The following TMEM178B variants were observed in gnomAD, a reference collection of about 807,000 sequenced individuals.
TMEM178B encodes the protein transmembrane protein 178B.
A neutral mutation model predicts 31.0 loss-of-function variants in TMEM178B; 5 were observed. The ratio of observed to expected loss-of-function variants is 0.16; its 90% confidence interval spans 0.08 to 0.34. TMEM178B has a LOEUF of 0.34. Among genes scored for constraint, TMEM178B ranks in the 10% least tolerant of loss-of-function variants. TMEM178B has a pLI of 1.00. For missense variants in TMEM178B, 275 were observed against 400.3 expected (o/e 0.69, Z 2.67); for synonymous variants, 164 against 164.0 (o/e 1.00, Z 0.00).
intron 2 of TMEM178B, among the ~76,000 whole-genome samples, chr7:141,341,183 C>T (rs1037551541): frequency 1.3e-5 from 2 of 152,138 alleles, no homozygotes; most frequent in African/African-American, 4.8e-5. Flanking sequence ...AACTGCTTGC[C>T]GGTTGTTGTT....
chr7:141,473,832 T>G lies in TMEM178B; in HGVS notation c.*3046T>G. 1 of 152,210 alleles carries G rather than the reference T, an allele frequency of 6.6e-6. No individual in the cohort carries two copies. Among genetic ancestry groups the G allele is most frequent in the East Asian group, 1.9e-4 (1 of 5,200 alleles). 9.4% of individuals were successfully genotyped at this position (152,210 alleles called of 1,614,324 possible). On this transcript the variant is annotated 3_prime_UTR_variant, in exon 4 of 4. Coordinates refer to ENST00000565468, the MANE Select transcript of TMEM178B (RefSeq NM_001195278.2). ...AAGTCCTGGCCAATGGGAGGACTTC[T>G]CAGGTGACCTTGATCCCTCTAGCAT...
At chr7:141,263,202 CGTT>C (rs1798041818) in intron 2 of TMEM178B, among the ~76,000 whole-genome samples, 1 of 152,146 alleles carries the variant, frequency 6.6e-6, no homozygotes, top group African/African-American at 2.4e-5. Context: ...GGATTTCAGA[CGTT>C]GTTGTGGCTG....
In TMEM178B at chr7:141,247,543, G is replaced by A. The variant is rs188462876; in HGVS notation, c.496+34839G>A. ...CATCCATAGCTTCTCCCTCTGTCAC[G>A]TGGGAAAGGGATTTTCTTTGGGCTT... is the stretch of plus-strand genomic sequence containing the variant. On this transcript the variant is annotated intron_variant, in intron 2 of 3. Transcript: ENST00000565468. Among the ~76,000 whole-genome samples the A allele has an allele frequency of 2.1e-4, 32 of 152,252 alleles. 1 individual carries two copies. The highest frequency in any genetic ancestry group is 1.1e-3 in the Admixed American group (17 of 15,288).
rs560623038 is a variant in TMEM178B, at chr7:141,184,393, G to A, written c.383-28198G>A. On this transcript the variant is annotated intron_variant, in intron 1 of 3. Coordinates refer to ENST00000565468, the MANE Select transcript of TMEM178B (RefSeq NM_001195278.2). ...TCCCAGTGGGTTCAGAGAGTCCCCAGGAGTGTCTTACGTGTTTCTAAATGC... is the reference window on the plus strand; with the variant it reads ...TCCCAGTGGGTTCAGAGAGTCCCCAAGAGTGTCTTACGTGTTTCTAAATGC... Among the ~76,000 whole-genome samples the A allele has an allele frequency of 4.6e-5, 7 of 152,206 alleles. No homozygotes were observed. The South Asian group carries it at 1.5e-3, about 32-fold the overall frequency.
intron 2 of TMEM178B, among the ~76,000 whole-genome samples, chr7:141,325,748 G>A (rs977898251): frequency 3.9e-5 from 6 of 152,100 alleles, no homozygotes; most frequent in Admixed American, 3.9e-4. Flanking sequence ...TTATGTTCAA[G>A]CCAAGCAGCT....
rs924736055 is a variant in TMEM178B, at chr7:141,425,260, C to T, written c.497-12348C>T. Among the ~76,000 whole-genome samples, 4 of 152,282 alleles carry T rather than the reference C, an allele frequency of 2.6e-5. No homozygotes were observed. The South Asian group carries it at 6.2e-4, about 24-fold the overall frequency. On this transcript the variant is annotated intron_variant, in intron 2 of 3. Coordinates refer to ENST00000565468, the MANE Select transcript of TMEM178B (RefSeq NM_001195278.2). ...ATTTTTCTGGGTTGGCTAACACCCT[C>T]TAGGGTACCCATGTGTTTTAAAGCT...
intron 1 of TMEM178B, among the ~76,000 whole-genome samples, chr7:141,209,283 T>C (rs1586826809): frequency 6.6e-6 from 1 of 152,362 alleles, no homozygotes; most frequent in East Asian, 1.9e-4. Flanking sequence ...TGAGACACTG[T>C]TCTGTGATCA....
intron 2 of TMEM178B, among the ~76,000 whole-genome samples, chr7:141,389,284 G>C (rs1294299572): frequency 6.6e-6 from 1 of 152,156 alleles, no homozygotes; most frequent in Non-Finnish European, 1.5e-5. Context: ...AACGTAGAAG[G>C]GAAAGGGTAT....
At chr7:141,208,339 G>A (rs190743322) in intron 1 of TMEM178B, among the ~76,000 whole-genome samples, 303 of 152,268 alleles carry the variant, frequency 2.0e-3, no homozygotes, top group Middle Eastern at 0.01. Context: ...CAGGAGTTTG[G>A]TGAAGAAGGG....
chr7:141,505,329 A>G, the TMEM178B span, among the ~76,000 whole-genome samples: 45 of 152,374 alleles, frequency 3.0e-4, no homozygotes, highest in African/African-American at 9.4e-4. Flanking sequence ...AGTGAGAATG[A>G]CCAAGTCAAA....
At chr7:141,379,621 G>A (rs1410568135) in intron 2 of TMEM178B, among the ~76,000 whole-genome samples, 1 of 152,166 alleles carries the variant, frequency 6.6e-6, no homozygotes, top group East Asian at 1.9e-4. Flanking sequence ...CCGCAACTTT[G>A]CCCAATAGAG....
chr7:141,416,042 TGA>T (rs1249148071), intron 2 of TMEM178B: 1 of 152,696 alleles, frequency 6.5e-6, no homozygotes, highest in Non-Finnish European at 1.5e-5. Context: ...AATTCTTTGT[TGA>T]GTCATAAGAT....
At chr7:141,359,530 T>C (rs1350256621) in intron 2 of TMEM178B, among the ~76,000 whole-genome samples, 1 of 152,218 alleles carries the variant, frequency 6.6e-6, no homozygotes, top group East Asian at 1.9e-4. Context: ...TGATAAGCTA[T>C]TCTTACAAGG....
chr7:141,416,817 G>A lies in TMEM178B; in HGVS notation c.497-20791G>A, dbSNP rs1801106451. ...GGGGTGGGGATGCTTGTCTCTTGTA[G>A]AACCAGACACAGAGTACATAACGAG... is the stretch of plus-strand genomic sequence containing the variant. On this transcript the variant is annotated intron_variant, in intron 2 of 3. Coordinates refer to ENST00000565468, the MANE Select transcript of TMEM178B (RefSeq NM_001195278.2). Among the ~76,000 whole-genome samples the A allele has an allele frequency of 2.6e-5, 4 of 152,254 alleles. No homozygotes were observed. The South Asian group carries it at 8.3e-4, about 32-fold the overall frequency.
At chr7:141,395,639 A>G (rs1015273105) in intron 2 of TMEM178B, among the ~76,000 whole-genome samples, 4 of 152,172 alleles carry the variant, frequency 2.6e-5, no homozygotes, top group African/African-American at 9.7e-5. Context: ...CAGTGGTTCC[A>G]GAACCCGAGG....
At position 141,086,136 on chromosome 7, in the gene TMEM178B, G is replaced by A. The variant is rs896626443; in HGVS notation, c.382+11444G>A. Among the ~76,000 whole-genome samples the A allele has an allele frequency of 3.3e-5, 5 of 151,976 alleles. No individual in the cohort carries two copies. The South Asian group carries it at 1.0e-3, about 32-fold the overall frequency. ...CTGCAACCTCCATCTCCTGGGTTCA[G>A]ATGATTCTTGTGCCTCAGCCTGCTG... On this transcript the variant is annotated intron_variant, in intron 1 of 3. Transcript: ENST00000565468.
downstream of TMEM178B, among the ~76,000 whole-genome samples, chr7:141,482,187 G>A (rs551088077): frequency 1.3e-5 from 2 of 152,338 alleles, no homozygotes; most frequent in East Asian, 1.9e-4. Flanking sequence ...GCTTCTGGGC[G>A]CAAATGTTCC....
rs776058153 is a variant in TMEM178B, at chr7:141,470,584, T to C, written c.683T>C (p.Phe228Ser). ...TGCACCTGTGTGGCCGGGATCAACT[T>C]TGAGCTGTCACGCTACCCACGCTAC... The part of the protein sequence containing the change: ...SLCTCVAGIN[F>S]ELSRYPRYLY... Residue 228 changes from phenylalanine to serine, a missense_variant, in exon 4 of 4, where the codon TTT becomes TCT. Transcript: ENST00000565468. 65 of 1,534,632 alleles carry C rather than the reference T, an allele frequency of 4.2e-5. No homozygotes were observed. Among genetic ancestry groups the C allele is most frequent in the Non-Finnish European group, 5.1e-5 (59 of 1,146,390 alleles).
rs1301878699 is a variant in TMEM178B at position 141,074,379 on chromosome 7, C to T, written c.69C>T (p.Ala23=). The T allele has an allele frequency of 1.3e-6, 2 of 1,536,146 alleles. No homozygotes were observed. Among genetic ancestry groups the T allele is most frequent in the Admixed American group, 2.0e-5 (1 of 51,012 alleles). ...SLALCALGML[A]VAICSDHWYE... Reference sequence around the variant, plus strand: ...CGCTCTGCGCCCTCGGCATGCTGGCCGTGGCCATCTGCTCGGACCACTGGT... The same window carrying T: ...CGCTCTGCGCCCTCGGCATGCTGGCTGTGGCCATCTGCTCGGACCACTGGT... Residue 23 remains alanine (A), a synonymous_variant, in exon 1 of 4, where the codon GCC becomes GCT. Transcript: ENST00000565468. This position sits in a 1 kb window ranked among gnomAD's most constrained non-coding sequence, Gnocchi z 5.1.
Sources: gnomAD v4.1 joint callset for allele counts (sites outside exome capture counted in the v4.1 genomes callset) on GRCh38, gnomAD v4.1.1 for gene constraint, Gnocchi (gnomAD v3.1) non-coding constraint, MANE v1.5 for transcripts, NCBI Gene and HGNC (gene_info 2026-07-23, HGNC 2026-07-21) for gene names.